GSTZ1: variants seen among roughly 807,000 people sequenced by gnomAD.
GSTZ1 encodes glutathione S-transferase zeta 1, also known as maleylacetoacetate isomerase.
A neutral mutation model predicts 35.9 loss-of-function variants in GSTZ1; 34 were observed. The ratio of observed to expected loss-of-function variants is 0.95; its 90% CI spans 0.72 to 1.26. GSTZ1 has a LOEUF of 1.26. GSTZ1 is among the 50% of genes most tolerant of loss of function. The pLI is 0.00. For missense variants in GSTZ1, 263 were observed against 271.7 expected (o/e 0.97, Z 0.23); for synonymous variants, 93 against 101.2 (o/e 0.92, Z 0.49).
rs920757732 is a variant in GSTZ1 at position 77,329,500 on chromosome 14, G to A, written c.422-255G>A. 5 of 596,090 alleles carry A rather than the reference G, an allele frequency of 8.4e-6. No individual in the cohort carries two copies. In the African/African-American group the frequency reaches 9.3e-5, roughly 11 times the overall value. The allele number at this position is 596,090 out of a possible 1,614,324, so 36.9% of individuals were successfully genotyped here. A position where few individuals can be genotyped will look rare whatever the true frequency, so the allele number is the denominator to read the frequency against. On this transcript the variant is annotated intron_variant, in intron 6 of 8. Transcript: ENST00000216465. The stretch of plus-strand genomic sequence containing the variant: ...AGCACAGCGCCAGCCATCAGAGTGA[G>A]AGCTGTCACCGTGGCCAGTGGCAGG...
At chr14:77,328,299 A>G in intron 5 of GSTZ1, 1 of 496,678 alleles carries the variant, frequency 2.0e-6, no homozygotes, top group Non-Finnish European at 3.7e-6. Context: ...AAAGGGCCAG[A>G]ATGGCAGGGG....
At chr14:77,330,091 G>T in intron 7 of GSTZ1, 2 of 693,688 alleles carry the variant, frequency 2.9e-6, no homozygotes, top group Non-Finnish European at 5.3e-6. Flanking sequence ...AACCCACAGA[G>T]TTGGTTGTCA....
At chr14:77,326,505 A>C in intron 2 of GSTZ1, 1 of 248,630 alleles carries the variant, frequency 4.0e-6, no homozygotes, top group African/African-American at 2.2e-5. Context: ...AACACAACAC[A>C]GCCTTGCTGA....
intron 2 of GSTZ1, chr14:77,326,628 T>G: frequency 1.9e-6 from 1 of 534,202 alleles, no homozygotes. Context: ...CAGGGGTGAG[T>G]GAGGCAGAGC....
At chr14:77,330,428 A>G in intron 8 of GSTZ1, 69 bp downstream of exon 8, 2 of 1,257,372 alleles carry the variant, frequency 1.6e-6, no homozygotes, top group Non-Finnish European at 2.3e-6. Context: ...TCAGCTGGCG[A>G]GATAGCATCT....
At chr14:77,321,269 C>A (rs1177101364) in intron 1 of GSTZ1, 86 bp downstream of exon 1, 3 of 1,523,612 alleles carry the variant, frequency 2.0e-6, no homozygotes, top group Admixed American at 2.0e-5. Context: ...CTGCACCGCC[C>A]GCCCAGGCCG....
At chr14:77,330,963 C>A in intron 8 of GSTZ1, 106 bp from the exon 9 acceptor site, 2 of 1,097,058 alleles carry the variant, frequency 1.8e-6, no homozygotes, top group Non-Finnish European at 2.7e-6. Context: ...CCCTGGACAG[C>A]TCCCTCGACC....
At chr14:77,321,882 CAAA>C (rs541516245) in intron 1 of GSTZ1, among the ~76,000 whole-genome samples, 4 of 68,110 alleles carry the variant, frequency 5.9e-5, no homozygotes, top group African/African-American at 1.0e-4. Context: ...GACTCCGGCT[CAAA>C]AAAAAAAAAA....
rs1236640318 is a variant in GSTZ1 at position 77,329,801 on chromosome 14, A to C, written c.468A>C (p.Gly156=). 1 of 1,613,074 alleles carries C rather than the reference A, an allele frequency of 6.2e-7. No homozygotes were observed. Among genetic ancestry groups the C allele is most frequent in the East Asian group, 2.2e-5 (1 of 44,870 alleles). The stretch of plus-strand genomic sequence containing the variant: ...GCACAGCGGGCATATACTGTGTAGG[A>C]GACGAGGTAAGCTGTCCCCAGACCT... The part of the protein sequence containing the change: ...LQSTAGIYCV[G]DEVTMADLCL... Residue 156 remains glycine (G), a synonymous_variant, in exon 7 of 9, where the codon GGA becomes GGC. Transcript: ENST00000216465.
At chr14:77,321,570 T>C in intron 1 of GSTZ1, 1 of 1,217,562 alleles carries the variant, frequency 8.2e-7, no homozygotes, top group Non-Finnish European at 1.0e-6. Context: ...GGAGGTGACC[T>C]TCCAGTAATG....
In GSTZ1 at chr14:77,326,849, A is replaced by G. The variant is rs1391980318; in HGVS notation, c.79A>G (p.Lys27Glu). The change falls in exon 3 of 9, where the codon AAA becomes GAA. Residue 27 changes from lysine to glutamate, a missense_variant. Physicochemically the swap from Lys to Glu is moderately conservative, Grantham distance 56. Coordinates refer to ENST00000216465, the MANE Select transcript of GSTZ1 (RefSeq NM_145870.3). Reference protein sequence around the residue: ...SWRVRIALALKGIDYETVPIN... With the variant: ...SWRVRIALALEGIDYETVPIN... ...GCGGTCTCTCCTAGCTCTGGCCTTG[A>G]AAGGCATCGACTACGAGACGGTGCC... 16 of 1,605,726 alleles carry G rather than the reference A, an allele frequency of 1.0e-5. No homozygotes were observed. The highest frequency in any genetic ancestry group is 1.3e-5 in the Non-Finnish European group (15 of 1,175,122).
intron 1 of GSTZ1, chr14:77,322,543 C>T: frequency 1.0e-6 from 1 of 967,320 alleles, no homozygotes. Flanking sequence ...CTGCCACACT[C>T]TAGTGGTCAC....
At chr14:77,330,763 C>T (rs1009743016) in intron 8 of GSTZ1, among the ~76,000 whole-genome samples, 6 of 152,164 alleles carry the variant, frequency 3.9e-5, no homozygotes, top group Non-Finnish European at 8.8e-5. Context: ...GATATGGAAA[C>T]GTATGGCACA....
intron 1 of GSTZ1, among the ~76,000 whole-genome samples, chr14:77,321,803 A>G (rs1892011089): frequency 1.3e-5 from 2 of 152,014 alleles, no homozygotes; most frequent in African/African-American, 2.4e-5. Flanking sequence ...GAATAGCGTG[A>G]ACCCAGGAGG....
chr14:77,330,959 A>C lies in GSTZ1; in HGVS notation c.525-110A>C, dbSNP rs1320134721. On this transcript the variant is annotated intron_variant, in intron 8 of 8. Transcript: ENST00000216465. ...GGGCTGCCCCATCGTCCTTCCCTGG[A>C]CAGCTCCCTCGACCTCATCCAGCCC... 5.8e-6 allele frequency: 6 copies of C among 1,029,798 alleles called. No homozygotes were observed. The Admixed American group carries it at 1.2e-4, about 21-fold the overall frequency. 63.8% of individuals were successfully genotyped at this position (1,029,798 alleles called of 1,614,324 possible).
chr14:77,327,948 A>G lies in GSTZ1; in HGVS notation c.253A>G (p.Thr85Ala), dbSNP rs1234098793. The change falls in exon 5 of 9, where the codon ACT becomes GCT. Residue 85 changes from threonine to alanine, a missense_variant. By Grantham distance (58) the Thr-to-Ala change is moderately conservative. Coordinates refer to ENST00000216465, the MANE Select transcript of GSTZ1 (RefSeq NM_145870.3). ...TGAGTATCTAGAGGAGATGCGTCCCACTCCGCGACTTCTGCCTCAGGACCC... is the reference window on the plus strand; with the variant it reads ...TGAGTATCTAGAGGAGATGCGTCCCGCTCCGCGACTTCTGCCTCAGGACCC... Reference protein sequence around the residue: ...IIEYLEEMRPTPRLLPQDPKK... With the variant: ...IIEYLEEMRPAPRLLPQDPKK... The G allele has an allele frequency of 1.2e-6, 2 of 1,613,488 alleles. No homozygotes were observed. Among genetic ancestry groups the G allele is most frequent in the Admixed American group, 1.7e-5 (1 of 59,968 alleles).
Position 77,331,072 on chromosome 14 carries a change from C to G in GSTZ1, c.528C>G (p.Phe176Leu), listed in dbSNP as rs762764115. 11 of 1,613,650 alleles carry G rather than the reference C, an allele frequency of 6.8e-6. No individual in the cohort carries two copies. The African/African-American group carries it at 1.2e-4, about 18-fold the overall frequency. ...LVPQVANAER[F>L]KVDLTPYPTI... is the part of the protein sequence containing the mutation. ...AGCAGGTGTTTCTCTACTACAGATT[C>G]AAGGTGGATCTCACCCCCTACCCTA... The change falls in exon 9 of 9, where the codon TTC becomes TTG. Residue 176 changes from phenylalanine (F) to leucine (L), a missense_variant. By Grantham distance (22) the Phe-to-Leu change is conservative. Transcript: ENST00000216465.
chr14:77,321,545 C>T (rs1191314203), intron 1 of GSTZ1: 2 of 1,278,632 alleles, frequency 1.6e-6, no homozygotes, highest in Non-Finnish European at 2.0e-6. Flanking sequence ...TCATGCTCTT[C>T]TCTTGGCCCT....
chr14:77,321,690 T>A, intron 1 of GSTZ1: 1 of 279,974 alleles, frequency 3.6e-6, no homozygotes, highest in Non-Finnish European at 6.6e-6. Flanking sequence ...GAGACCATCC[T>A]GGCTAACACG....
Sources: allele counts gnomAD v4.1 joint callset (sites outside exome capture counted in the v4.1 genomes callset), GRCh38; gene constraint gnomAD v4.1.1; transcripts MANE v1.5; gene names NCBI Gene and HGNC (gene_info 2026-07-23, HGNC 2026-07-21).